Variants in SLC12A4 observed in about 807,000 individuals in gnomAD.
The protein encoded by SLC12A4 is electroneutral potassium-chloride cotransporter 1.
Under a neutral mutation model 119.2 loss-of-function variants are expected in SLC12A4, and 84 were observed. The ratio of observed to expected loss-of-function variants is 0.70; its 90% CI spans 0.59 to 0.85. SLC12A4 has a LOEUF of 0.85. Ranked by LOEUF, SLC12A4 falls within the 40% of genes least tolerant of loss-of-function variation. The pLI is 0.00. For synonymous variants in SLC12A4, 599 were observed against 604.6 expected (o/e 0.99, Z 0.14); for missense variants, 1,298 against 1,476.3 (o/e 0.88, Z 1.98).
At chr16:67,963,405 G>T in intron 2 of SLC12A4, 60 bp downstream of exon 2, 4 of 1,156,140 alleles carry the variant, frequency 3.5e-6, no homozygotes, top group Non-Finnish European at 4.9e-6. Context: ...TGTCCAGCCT[G>T]CCTGCTTAGC....
intron 3 of SLC12A4, among the ~76,000 whole-genome samples, chr16:67,960,807 G>A (rs1410378058): frequency 6.6e-6 from 1 of 151,806 alleles, no homozygotes; most frequent in African/African-American, 2.4e-5. Context: ...GAAGAGGGCT[G>A]AAGGGCCAGA....
intron 1 of SLC12A4, chr16:67,966,656 A>G: frequency 6.8e-7 from 1 of 1,460,644 alleles, no homozygotes; most frequent in Non-Finnish European, 9.3e-7. Context: ...AGGTGTGGGC[A>G]CTGAACTGGG....
At chr16:67,968,677 C>T, upstream of SLC12A4, 1 of 1,265,792 alleles carries the variant, frequency 7.9e-7, no homozygotes, top group Non-Finnish European at 9.9e-7. Flanking sequence ...CGCTCACTTC[C>T]TCCGCCCGCC....
chr16:67,960,098 T>A (rs933615685), intron 3 of SLC12A4, among the ~76,000 whole-genome samples: 1 of 152,244 alleles, frequency 6.6e-6, no homozygotes, highest in Admixed American at 6.5e-5. Flanking sequence ...CTAAGCATCC[T>A]CACGGGTTCC....
chr16:67,943,581 T>G lies in SLC12A4; in HGVS notation c.*1259A>C. 2.0e-6 allele frequency: 1 copy of G among 499,614 alleles called. No homozygotes were observed. Among genetic ancestry groups the G allele is most frequent in the Non-Finnish European group, 3.7e-6 (1 of 273,456 alleles). 30.9% of individuals were successfully genotyped at this position (499,614 alleles called of 1,614,324 possible). On this transcript the variant is annotated 3_prime_UTR_variant, in exon 24 of 24. Transcript: ENST00000316341. The surrounding 1 kb of genome is among the most constrained non-coding windows in gnomAD (Gnocchi z 4.6). Reference sequence around the variant, plus strand: ...CCGGGCATGGATGGGCCTCTCCTGCTCACCGATCCTGGGCTGGGCATCTTG... The same window carrying G: ...CCGGGCATGGATGGGCCTCTCCTGCGCACCGATCCTGGGCTGGGCATCTTG...
Position 67,947,754 on chromosome 16 carries a change from C to T in SLC12A4, c.1882G>A (p.Ala628Thr). 1 of 1,600,458 alleles carries T rather than the reference C, an allele frequency of 6.2e-7. No individual in the cohort carries two copies. The highest frequency in any genetic ancestry group is 8.5e-7 in the Non-Finnish European group (1 of 1,173,834). The change falls in exon 15 of 24, where the codon GCC becomes ACC. Residue 628 changes from alanine to threonine, a missense_variant. Transcript: ENST00000316341. ...LSFLGMSLCL[A>T]LMFVSSWYYA... The stretch of plus-strand genomic sequence containing the variant: ...TACCAGGAGGAGACAAACATAAGGG[C>T]CAGGCAGAGACTCATGCCCAGGAAG...
In SLC12A4 at chr16:67,943,738, T is replaced by G; in HGVS notation, c.*1102A>C. Reference sequence around the variant, plus strand: ...ACCCCGTCCCCCACTCCGCCCCCCCTGGGTTAGACAACTGAGAGTCACAGT... The same window carrying G: ...ACCCCGTCCCCCACTCCGCCCCCCCGGGGTTAGACAACTGAGAGTCACAGT... On this transcript the variant is annotated 3_prime_UTR_variant, in exon 24 of 24. Transcript: ENST00000316341. This position sits in a 1 kb window ranked among gnomAD's most constrained non-coding sequence, Gnocchi z 4.6. The G allele has an allele frequency of 1.7e-6, 1 of 576,512 alleles. No individual in the cohort carries two copies. Among genetic ancestry groups the G allele is most frequent in the Non-Finnish European group, 3.0e-6 (1 of 330,366 alleles). The allele number at this position is 576,512 out of a possible 1,614,324, so 35.7% of individuals were successfully genotyped here.
At position 67,950,083 on chromosome 16, in the gene SLC12A4, A is replaced by C. The variant is rs1461259290; in HGVS notation, c.1630-165T>G. ...CCAGTCTCCCTGATTCCACCTCACC[A>C]GGCCTCTCTCCTTTGGATGAGCCCT... On this transcript the variant is annotated intron_variant, in intron 12 of 23. Transcript: ENST00000316341. The surrounding 1 kb of genome is among the most constrained non-coding windows in gnomAD (Gnocchi z 4.3). The C allele has an allele frequency of 1.4e-6, 1 of 692,800 alleles. No individual in the cohort carries two copies. Among genetic ancestry groups the C allele is most frequent in the African/African-American group, 1.8e-5 (1 of 55,106 alleles). The allele number at this position is 692,800 out of a possible 1,614,324, so 42.9% of individuals were successfully genotyped here. A position where few individuals can be genotyped will look rare whatever the true frequency, so the allele number is the denominator to read the frequency against.
chr16:67,951,892 G>T lies in SLC12A4; in HGVS notation c.1063C>A (p.Pro355Thr). Residue 355 changes from proline (P) to threonine (T), a missense_variant, in exon 8 of 24, where the codon CCC (proline) becomes ACC (threonine). Coordinates refer to ENST00000316341, the MANE Select transcript of SLC12A4 (RefSeq NM_005072.5). This position sits in a 1 kb window ranked among gnomAD's most constrained non-coding sequence, Gnocchi z 5.2. Reference sequence around the variant, plus strand: ...GTCACATTGTTGAGCATGAAGTAGGGGTCACAGGAGTCGGTCGTAAGGTTG... The same window carrying T: ...GTCACATTGTTGAGCATGAAGTAGGTGTCACAGGAGTCGGTCGTAAGGTTG... ...SPNLTTDSCD[P>T]YFMLNNVTEI... 2 of 1,613,918 alleles carry T rather than the reference G, an allele frequency of 1.2e-6. No homozygotes were observed. Among genetic ancestry groups the T allele is most frequent in the East Asian group, 2.2e-5 (1 of 44,886 alleles).
chr16:67,964,011 G>C (rs2030734821), intron 1 of SLC12A4: 1 of 1,551,078 alleles, frequency 6.4e-7, no homozygotes, highest in Non-Finnish European at 8.7e-7. Flanking sequence ...GCCGCACACA[G>C]CACCTTCGGC....
rs138114302 is a variant in SLC12A4 at position 67,961,690 on chromosome 16, C to T, written c.227G>A (p.Arg76His). 2.2e-5 allele frequency: 36 copies of T among 1,613,982 alleles called. No homozygotes were observed. The highest frequency in any genetic ancestry group is 2.7e-5 in the Non-Finnish European group (32 of 1,180,006). Residue 76 changes from arginine to histidine, a missense_variant, in exon 3 of 24, where the codon CGC (arginine) becomes CAC (histidine). Transcript: ENST00000316341. ...LALFEEELDIRPKVSSLLGKL... is the reference protein window; with the variant it reads ...LALFEEELDIHPKVSSLLGKL... The stretch of plus-strand genomic sequence containing the variant: ...TCCCAGAAGAGACGATACCTTTGGG[C>T]GGATGTCCAGCTCTTCCTGCAAACA...
rs993841803 is a variant in SLC12A4 at position 67,950,008 on chromosome 16, G to A, written c.1630-90C>T. On this transcript the variant is annotated intron_variant, in intron 12 of 23. Transcript: ENST00000316341. This position sits in a 1 kb window ranked among gnomAD's most constrained non-coding sequence, Gnocchi z 4.3. ...CAGCCTGGCCTCCCTCACCCCCAGG[G>A]CCCGCCTTGGGGGCTCAGGCCGCCC... 4.7e-6 allele frequency: 5 copies of A among 1,053,156 alleles called. No individual in the cohort carries two copies. The highest frequency in any genetic ancestry group is 7.2e-6 in the Non-Finnish European group (5 of 691,464). 65.2% of individuals were successfully genotyped at this position (1,053,156 alleles called of 1,614,324 possible).
chr16:67,945,302 T>C, intron 22 of SLC12A4, 67 bp downstream of exon 22: 2 of 1,569,674 alleles, frequency 1.3e-6, no homozygotes. Flanking sequence ...CTAACACTAC[T>C]TGTCTGCCCC....
rs2058415383 is a variant in SLC12A4 at position 67,951,473 on chromosome 16, C to A, written c.1133-169G>T. 1.3e-6 allele frequency: 1 copy of A among 746,322 alleles called. No individual in the cohort carries two copies. Among genetic ancestry groups the A allele is most frequent in the East Asian group, 2.7e-5 (1 of 36,896 alleles). 46.2% of individuals were successfully genotyped at this position (746,322 alleles called of 1,614,324 possible). A position where few individuals can be genotyped will look rare whatever the true frequency, so the allele number is the denominator to read the frequency against. On this transcript the variant is annotated intron_variant, in intron 8 of 23. Coordinates refer to ENST00000316341, the MANE Select transcript of SLC12A4 (RefSeq NM_005072.5). This position sits in a 1 kb window ranked among gnomAD's most constrained non-coding sequence, Gnocchi z 5.2. ...GGCTACCCTGACCACAGAGAAGGAG[C>A]TGCCCAGCTAGAAGTCGACAGACAA... is the stretch of plus-strand genomic sequence containing the variant.
At position 67,949,502 on chromosome 16, in the gene SLC12A4, A is replaced by G. The variant is rs2058389325; in HGVS notation, c.1748+298T>C. Reference sequence around the variant, plus strand: ...CAAACTAACAGATGGAAGGGGCAGCAGTGGCTTCATGGAGGCATGAGGGAC... The same window carrying G: ...CAAACTAACAGATGGAAGGGGCAGCGGTGGCTTCATGGAGGCATGAGGGAC... On this transcript the variant is annotated intron_variant, in intron 13 of 23. Coordinates refer to ENST00000316341, the MANE Select transcript of SLC12A4 (RefSeq NM_005072.5). This position sits in a 1 kb window ranked among gnomAD's most constrained non-coding sequence, Gnocchi z 4.6. 1 of 278,848 alleles carries G rather than the reference A, an allele frequency of 3.6e-6. No individual in the cohort carries two copies. Among genetic ancestry groups the G allele is most frequent in the Non-Finnish European group, 6.7e-6 (1 of 149,438 alleles). 17.3% of individuals were successfully genotyped at this position (278,848 alleles called of 1,614,324 possible).
chr16:67,947,108 G>T lies in SLC12A4; in HGVS notation c.2073-3C>A, dbSNP rs765255176. 1 of 1,581,636 alleles carries T rather than the reference G, an allele frequency of 6.3e-7. No homozygotes were observed. Among genetic ancestry groups the T allele is most frequent in the South Asian group, 1.1e-5 (1 of 88,214 alleles). The stretch of plus-strand genomic sequence containing the variant: ...TCAGCAGCACCAGCAGCTGCGGCCT[G>T]CAGTGGCCGGGTGGGGGGAGCCTGA... On this transcript the variant is annotated splice_polypyrimidine_tract_variant and splice_region_variant and intron_variant, in intron 16 of 23. Transcript: ENST00000316341.
In SLC12A4 at chr16:67,943,798, C is replaced by T. The variant is rs1296324800; in HGVS notation, c.*1042G>A. Reference sequence around the variant, plus strand: ...GAAGGGACGTCATTCCTCTAAGGGACAAGCTTTTGGCCCCTCCCCACACCA... The same window carrying T: ...GAAGGGACGTCATTCCTCTAAGGGATAAGCTTTTGGCCCCTCCCCACACCA... On this transcript the variant is annotated 3_prime_UTR_variant, in exon 24 of 24. Coordinates refer to ENST00000316341, the MANE Select transcript of SLC12A4 (RefSeq NM_005072.5). This position sits in a 1 kb window ranked among gnomAD's most constrained non-coding sequence, Gnocchi z 4.6. 2.8e-6 allele frequency: 2 copies of T among 722,514 alleles called. No individual in the cohort carries two copies. The highest frequency in any genetic ancestry group is 4.5e-6 in the Non-Finnish European group (2 of 444,852). The allele number at this position is 722,514 out of a possible 1,614,324, so 44.8% of individuals were successfully genotyped here. A position where few individuals can be genotyped will look rare whatever the true frequency, so the allele number is the denominator to read the frequency against.
In SLC12A4 at chr16:67,957,763, C is replaced by T. The variant is rs1474967442; in HGVS notation, c.523G>A (p.Ala175Thr). 1.1e-5 allele frequency: 18 copies of T among 1,613,580 alleles called. No individual in the cohort carries two copies. Among genetic ancestry groups the T allele is most frequent in the East Asian group, 4.5e-5 (2 of 44,878 alleles). The part of the protein sequence containing the change: ...LLTAISMSAI[A>T]TNGVVPAGGS... ...TGACCTGGAACCACACCGTTGGTGG[C>T]GATGGCACTCATGGAGATGGCCGTC... The change falls in exon 5 of 24, where the codon GCC (alanine) becomes ACC (threonine). Residue 175 changes from alanine to threonine, a missense_variant. Coordinates refer to ENST00000316341, the MANE Select transcript of SLC12A4 (RefSeq NM_005072.5).
Position 67,951,477 on chromosome 16 carries a change from C to G in SLC12A4, c.1133-173G>C, listed in dbSNP as rs912565519. 5 of 735,866 alleles carry G rather than the reference C, an allele frequency of 6.8e-6. No individual in the cohort carries two copies. In the Admixed American group the frequency reaches 1.5e-4, roughly 22 times the overall value. The allele number at this position is 735,866 out of a possible 1,614,324, so 45.6% of individuals were successfully genotyped here. On this transcript the variant is annotated intron_variant, in intron 8 of 23. Transcript: ENST00000316341. This position sits in a 1 kb window ranked among gnomAD's most constrained non-coding sequence, Gnocchi z 5.2. ...ACCCTGACCACAGAGAAGGAGCTGCCCAGCTAGAAGTCGACAGACAAAGGT... is the reference window on the plus strand; with the variant it reads ...ACCCTGACCACAGAGAAGGAGCTGCGCAGCTAGAAGTCGACAGACAAAGGT...
Sources: allele counts gnomAD v4.1 joint callset (sites outside exome capture counted in the v4.1 genomes callset), GRCh38; gene constraint gnomAD v4.1.1; non-coding constraint Gnocchi (gnomAD v3.1); transcripts MANE v1.5; gene names NCBI Gene and HGNC (gene_info 2026-07-23, HGNC 2026-07-21).